Variants in CCDC141 observed in about 807,000 individuals in gnomAD.
The protein encoded by CCDC141 is coiled-coil domain containing 141.
In CCDC141, 168 loss-of-function variants were observed where a neutral mutation model predicts 181.0. The observed-to-expected ratio is 0.93, with a 90% confidence interval of 0.82 to 1.05. The LOEUF is 1.05. Among genes scored for constraint, CCDC141 ranks in the 50% least tolerant of loss-of-function variants. The pLI, the probability that CCDC141 is intolerant of heterozygous loss-of-function variation, is 0.00. For synonymous variants in CCDC141, 666 were observed against 642.3 expected, an observed-to-expected ratio of 1.04 and a Z score of -0.56; for missense variants, 1,902 against 1,788.5, an observed-to-expected ratio of 1.06 and a Z score of -1.14.
intron 6 of CCDC141, among the ~76,000 whole-genome samples, chr2:178,928,984 A>G (rs1689004392): frequency 2.0e-5 from 3 of 152,212 alleles, no homozygotes; most frequent in Admixed American, 2.0e-4. Context: ...GAAAAATGAC[A>G]TCTGCTTTTA....
chr2:178,939,485 T>C (rs537482470), intron 6 of CCDC141, among the ~76,000 whole-genome samples: 1 of 152,248 alleles, frequency 6.6e-6, no homozygotes, highest in South Asian at 2.1e-4. Context: ...CCCTGGTCAT[T>C]GCTCACTTTC....
chr2:179,001,526 TG>T (rs1426683733), intron 2 of CCDC141, among the ~76,000 whole-genome samples: 1 of 151,738 alleles, frequency 6.6e-6, no homozygotes, highest in African/African-American at 2.4e-5. Context: ...CAGCTTGAGG[TG>T]GAAAAAAAAT....
rs190895572 is a variant in CCDC141 at position 178,981,389 on chromosome 2, C to T, written c.226-2714G>A. On this transcript the variant is annotated intron_variant, in intron 2 of 23. Coordinates refer to ENST00000443758, the MANE Select transcript of CCDC141 (RefSeq NM_173648.4). ...CAAAATTTTAAAAACAGAAATCATA[C>T]GAATATACTCTCAGACCACAAAAGA... is the stretch of plus-strand genomic sequence containing the variant. Among the ~76,000 whole-genome samples, 31 of 119,722 alleles carry T rather than the reference C, an allele frequency of 2.6e-4. 1 individual carries two copies. The South Asian group carries it at 4.1e-3, about 16-fold the overall frequency. 78.5% of individuals were successfully genotyped at this position (119,722 alleles called of 152,430 possible).
At chr2:179,044,817 A>T (rs947446209) in intron 2 of CCDC141, among the ~76,000 whole-genome samples, 4 of 152,166 alleles carry the variant, frequency 2.6e-5, no homozygotes, top group African/African-American at 9.7e-5. Context: ...AGTTCATGGA[A>T]TTGGGGATTC....
At chr2:179,033,116 CAAAACA>C (rs1017466512) in intron 2 of CCDC141, among the ~76,000 whole-genome samples, 8 of 150,650 alleles carry the variant, frequency 5.3e-5, no homozygotes, top group Non-Finnish European at 1.0e-4. Flanking sequence ...ACAGACAAAC[CAAAACA>C]AAAGAAAAGA....
intron 6 of CCDC141, among the ~76,000 whole-genome samples, chr2:178,927,001 T>G (rs1351275359): frequency 6.6e-6 from 1 of 152,214 alleles, no homozygotes; most frequent in Non-Finnish European, 1.5e-5. Flanking sequence ...TATGCCCATG[T>G]GGTTATTTTT....
chr2:178,881,915 T>TCTCTCTCACA (rs1465946696), intron 11 of CCDC141, among the ~76,000 whole-genome samples: 23 of 92,350 alleles, frequency 2.5e-4, no homozygotes, highest in African/African-American at 6.7e-4. Context: ...TCTCTCTCTC[T>TCTCTCTCACA]CACACACACA....
At chr2:178,894,707 G>A (rs6747402) in intron 8 of CCDC141, among the ~76,000 whole-genome samples, 65,609 of 151,752 alleles carry the variant, frequency 0.43, 15,246 homozygotes, top group Admixed American at 0.56. Flanking sequence ...CCCATGGAGA[G>A]TGCAACACAG....
intron 6 of CCDC141, among the ~76,000 whole-genome samples, chr2:178,930,092 T>C (rs1018950157): frequency 6.6e-6 from 1 of 151,634 alleles, no homozygotes; most frequent in African/African-American, 2.4e-5. Flanking sequence ...TTAAAGCAAA[T>C]AAATTAAATC....
chr2:178,865,352 C>T (rs1162630526), intron 17 of CCDC141, among the ~76,000 whole-genome samples: 1 of 152,184 alleles, frequency 6.6e-6, no homozygotes, highest in African/African-American at 2.4e-5. Context: ...AATAGAATTT[C>T]AGCAGGCTGG....
At chr2:178,964,061 T>G (rs2154379244) in intron 4 of CCDC141, among the ~76,000 whole-genome samples, 1 of 152,310 alleles carries the variant, frequency 6.6e-6, no homozygotes, top group South Asian at 2.1e-4. Context: ...GAACAAGTTC[T>G]TATGGGGAGG....
At chr2:178,858,288 T>A (rs1402770994) in intron 17 of CCDC141, among the ~76,000 whole-genome samples, 1 of 152,176 alleles carries the variant, frequency 6.6e-6, no homozygotes, top group African/African-American at 2.4e-5. Context: ...GTATTTACAT[T>A]CTACGGCACT....
intron 6 of CCDC141, among the ~76,000 whole-genome samples, chr2:178,922,120 A>C (rs932106703): frequency 6.6e-6 from 1 of 152,252 alleles, no homozygotes; most frequent in Admixed American, 6.5e-5. Flanking sequence ...CAGTCTAACA[A>C]CACTAAGCTC....
intron 1 of CCDC141, among the ~76,000 whole-genome samples, chr2:179,048,634 A>T (rs923426103): frequency 3.3e-5 from 5 of 152,208 alleles, no homozygotes; most frequent in Admixed American, 6.5e-5. Flanking sequence ...AAGTATCATT[A>T]ATCCCGTGCA....
the CCDC141 span, among the ~76,000 whole-genome samples, chr2:178,820,436 G>T: frequency 1.3e-5 from 2 of 152,108 alleles, no homozygotes; most frequent in Non-Finnish European, 2.9e-5. Flanking sequence ...TCTCCTTTTA[G>T]ATATGTATTT....
chr2:178,836,689 T>C (rs1684487998), intron 23 of CCDC141: 2 of 535,874 alleles, frequency 3.7e-6, no homozygotes, highest in South Asian at 2.8e-5. Context: ...GTACTTTATA[T>C]GGTTACCTTT....
At chr2:178,817,283 T>C in the CCDC141 span, among the ~76,000 whole-genome samples, 2 of 152,198 alleles carry the variant, frequency 1.3e-5, no homozygotes, top group Admixed American at 1.3e-4. Context: ...ACATGTTTAT[T>C]TCTTTAAGAG....
chr2:178,907,792 A>G (rs1159776263), intron 7 of CCDC141, among the ~76,000 whole-genome samples: 10 of 152,064 alleles, frequency 6.6e-5, no homozygotes, highest in Admixed American at 6.6e-4. Flanking sequence ...TCAGGAGTTC[A>G]AGACCAGCCT....
At chr2:178,878,644 A>C (rs936802142) in intron 11 of CCDC141, among the ~76,000 whole-genome samples, 10 of 152,112 alleles carry the variant, frequency 6.6e-5, no homozygotes, top group Admixed American at 5.9e-4. Context: ...TTAAATAATT[A>C]TTGAATATTT....
Sources: gnomAD v4.1 joint callset for allele counts (sites outside exome capture counted in the v4.1 genomes callset) on GRCh38, gnomAD v4.1.1 for gene constraint, MANE v1.5 for transcripts, NCBI Gene and HGNC (gene_info 2026-07-23, HGNC 2026-07-21) for gene names.